Variants in MAPK4 observed in about 807,000 individuals in gnomAD.
The protein encoded by MAPK4 is mitogen-activated protein kinase 4, also known as Erk3-related.
A neutral mutation model predicts 47.7 loss-of-function variants in MAPK4; 22 were observed. The ratio of observed to expected loss-of-function variants is 0.46; its 90% CI spans 0.33 to 0.66. The LOEUF is 0.66. Among genes scored for constraint, MAPK4 ranks in the 30% least tolerant of loss-of-function variants. The pLI, the probability that MAPK4 is intolerant of heterozygous loss-of-function variation, is 0.02. For missense variants in MAPK4, 736 were observed against 831.7 expected, an observed-to-expected ratio of 0.88 and a Z score of 1.42; for synonymous variants, 390 against 365.7, an observed-to-expected ratio of 1.07 and a Z score of -0.76.
At chr18:50,709,508 C>T (rs572307277) in intron 2 of MAPK4, among the ~76,000 whole-genome samples, 147 of 152,352 alleles carry the variant, frequency 9.6e-4, no homozygotes, top group Non-Finnish European at 1.7e-3. Flanking sequence ...GGCCCTTCTG[C>T]AACCTACGCT....
chr18:50,648,359 G>A (rs1203761161), intron 1 of MAPK4, among the ~76,000 whole-genome samples: 4 of 152,210 alleles, frequency 2.6e-5, no homozygotes, highest in Non-Finnish European at 4.4e-5. Context: ...CCTCTGGAGA[G>A]TGGGGAAGAC....
At chr18:50,586,007 G>A (rs1033529917) in intron 1 of MAPK4, among the ~76,000 whole-genome samples, 1 of 152,134 alleles carries the variant, frequency 6.6e-6, no homozygotes, top group African/African-American at 2.4e-5. Context: ...ATGAGATTTG[G>A]GTGGGGACAT....
In MAPK4 at chr18:50,719,228, C is replaced by T. The variant is rs146581402; in HGVS notation, c.692-2710C>T. Among the ~76,000 whole-genome samples the T allele has an allele frequency of 6.0e-4, 92 of 152,242 alleles. 1 individual carries two copies. In the East Asian group the frequency reaches 0.016, roughly 26 times the overall value. On this transcript the variant is annotated intron_variant, in intron 3 of 5. Transcript: ENST00000400384. ...ACTCTCAGGAGCCCCTACAGTTTTCCCTCTGGTGGATTTTGTGCTTTGGGT... is the reference window on the plus strand; with the variant it reads ...ACTCTCAGGAGCCCCTACAGTTTTCTCTCTGGTGGATTTTGTGCTTTGGGT...
At chr18:50,661,682 A>G (rs1056373335) in intron 1 of MAPK4, among the ~76,000 whole-genome samples, 4 of 152,180 alleles carry the variant, frequency 2.6e-5, no homozygotes, top group African/African-American at 9.7e-5. Context: ...AAATACCAGT[A>G]ATGACTCCCA....
Position 50,663,563 on chromosome 18 carries a change from T to G in MAPK4, c.-396T>G. On this transcript the variant is annotated 5_prime_UTR_variant, in exon 2 of 6. Coordinates refer to ENST00000400384, the MANE Select transcript of MAPK4 (RefSeq NM_002747.4). ...GTAACAAAGTATTCAAAGGGGAGAG[T>G]TTCTGCATCTTTTACTTTGCAGTCC... 6.4e-6 allele frequency: 1 copy of G among 156,982 alleles called. No homozygotes were observed. The highest frequency in any genetic ancestry group is 1.4e-5 in the Non-Finnish European group (1 of 71,552). 9.7% of individuals were successfully genotyped at this position (156,982 alleles called of 1,614,324 possible). A position where few individuals can be genotyped will look rare whatever the true frequency, so the allele number is the denominator to read the frequency against.
In MAPK4 at chr18:50,725,997, C is replaced by G. The variant is rs762228429; in HGVS notation, c.889C>G (p.Pro297Ala). Residue 297 changes from proline to alanine, a missense_variant, in exon 5 of 6, where the codon CCC (proline) becomes GCC (alanine). Pro to Ala is a conservative substitution (Grantham distance 27). Coordinates refer to ENST00000400384, the MANE Select transcript of MAPK4 (RefSeq NM_002747.4). ...DFLEKILTFN[P>A]MDRLTAEMGL... ...TCTGGAGAAGATCCTGACCTTTAAC[C>G]CCATGGATCGCCTAACAGCTGAGAT... The G allele has an allele frequency of 8.7e-6, 14 of 1,614,162 alleles. No individual in the cohort carries two copies. The highest frequency in any genetic ancestry group is 1.2e-5 in the Non-Finnish European group (14 of 1,180,038).
chr18:50,679,419 C>A (rs1045420472), intron 2 of MAPK4, among the ~76,000 whole-genome samples: 1 of 152,256 alleles, frequency 6.6e-6, no homozygotes, highest in African/African-American at 2.4e-5. Flanking sequence ...TCATATCTAC[C>A]CAGAAATATT....
chr18:50,644,589 G>A (rs2042970540), intron 1 of MAPK4, among the ~76,000 whole-genome samples: 1 of 152,052 alleles, frequency 6.6e-6, no homozygotes, highest in African/African-American at 2.4e-5. Context: ...CATTTTTAAT[G>A]TGCTGAAAGC....
intron 1 of MAPK4, among the ~76,000 whole-genome samples, chr18:50,622,587 A>G (rs1383567319): frequency 1.3e-5 from 2 of 152,184 alleles, no homozygotes; most frequent in East Asian, 3.8e-4. Flanking sequence ...TTCCTCAAGG[A>G]GGATTTGGGC....
At chr18:50,687,946 A>G (rs114978256) in intron 2 of MAPK4, among the ~76,000 whole-genome samples, 1,537 of 152,204 alleles carry the variant, frequency 0.01, 30 homozygotes, top group African/African-American at 0.035. Flanking sequence ...CTTTAGCGAG[A>G]TCAGGACTGA....
intron 1 of MAPK4, among the ~76,000 whole-genome samples, chr18:50,587,711 A>G (rs1195111038): frequency 6.6e-6 from 1 of 152,152 alleles, no homozygotes; most frequent in Non-Finnish European, 1.5e-5. Context: ...TTCTCTGTCT[A>G]GATGGTCGAT....
At chr18:50,589,217 T>C (rs900765498) in intron 1 of MAPK4, among the ~76,000 whole-genome samples, 47 of 152,296 alleles carry the variant, frequency 3.1e-4, no homozygotes, top group African/African-American at 1.1e-3. Flanking sequence ...GTCCTAAAGA[T>C]TATTTGGTGT....
intron 1 of MAPK4, among the ~76,000 whole-genome samples, chr18:50,609,212 C>A (rs1179979324): frequency 6.6e-6 from 1 of 151,716 alleles, no homozygotes; most frequent in Non-Finnish European, 1.5e-5. Flanking sequence ...TCATCATGGC[C>A]CGTTCTCAAT....
chr18:50,577,172 T>G (rs1217304736), intron 1 of MAPK4, among the ~76,000 whole-genome samples: 2 of 152,180 alleles, frequency 1.3e-5, no homozygotes, highest in African/African-American at 2.4e-5. Flanking sequence ...GATTCTCAAG[T>G]GCAAACAAGT....
chr18:50,689,402 C>CT (rs1909083523), intron 2 of MAPK4, among the ~76,000 whole-genome samples: 1 of 109,306 alleles, frequency 9.1e-6, no homozygotes, highest in Admixed American at 1.1e-4. Flanking sequence ...GAAACTCCAT[C>CT]TTAAAAAAAA....
intron 1 of MAPK4, among the ~76,000 whole-genome samples, chr18:50,560,477 C>T (rs1277491968): frequency 1.3e-5 from 2 of 151,842 alleles, no homozygotes; most frequent in African/African-American, 4.8e-5. Context: ...CGCCTGCAGA[C>T]CGCGCGCCGG....
chr18:50,592,264 T>C (rs2042442903), intron 1 of MAPK4, among the ~76,000 whole-genome samples: 2 of 152,106 alleles, frequency 1.3e-5, no homozygotes, highest in African/African-American at 4.8e-5. Context: ...ATTGGGAAAC[T>C]GTGTTGGTTC....
intron 1 of MAPK4, among the ~76,000 whole-genome samples, chr18:50,623,817 C>T (rs545787380): frequency 2.5e-4 from 38 of 152,338 alleles, no homozygotes; most frequent in South Asian, 6.2e-4. Flanking sequence ...CTGCTCTGTC[C>T]ACCTCTTCAA....
Position 50,663,995 on chromosome 18 carries a change from G to A in MAPK4, c.37G>A (p.Gly13Arg). Residue 13 changes from glycine (G) to arginine (R), a missense_variant, in exon 2 of 6, where the codon GGG becomes AGG. Coordinates refer to ENST00000400384, the MANE Select transcript of MAPK4 (RefSeq NM_002747.4). ...GGGTGACTGCATCGCCAGTGTCTAT[G>A]GGTATGACCTCGGTGGGCGCTTTGT... ...EKGDCIASVY[G>R]YDLGGRFVDF... The A allele has an allele frequency of 1.2e-6, 2 of 1,613,838 alleles. No individual in the cohort carries two copies. Among genetic ancestry groups the A allele is most frequent in the East Asian group, 2.2e-5 (1 of 44,878 alleles).
Sources: gnomAD v4.1 joint callset for allele counts (sites outside exome capture counted in the v4.1 genomes callset) on GRCh38, gnomAD v4.1.1 for gene constraint, MANE v1.5 for transcripts, NCBI Gene and HGNC (gene_info 2026-07-23, HGNC 2026-07-21) for gene names.